SNX29: variants seen among roughly 807,000 people sequenced by gnomAD.
The protein encoded by SNX29 is sorting nexin-29.
Under a neutral mutation model 102.1 loss-of-function variants are expected in SNX29, and 78 were observed. That is an observed-to-expected ratio of 0.76 (90% confidence interval 0.64 to 0.92). The LOEUF (loss-of-function observed/expected upper bound fraction) is 0.92, where lower values mean the gene tolerates loss of function less well. Ranked by LOEUF, SNX29 falls within the 40% of genes least tolerant of loss-of-function variation. The pLI is 0.00. For synonymous variants in SNX29, 580 were observed against 414.5 expected (o/e 1.40, Z -4.85); for missense variants, 1,280 against 1,061.7 (o/e 1.21, Z -2.86).
chr16:12,333,540 T>C (rs962443891), intron 15 of SNX29, among the ~76,000 whole-genome samples: 4 of 152,118 alleles, frequency 2.6e-5, no homozygotes, highest in African/African-American at 9.7e-5. Flanking sequence ...TGTGCTGAAT[T>C]CAGTGTACCT....
chr16:12,083,571 C>T (rs2052017938), intron 11 of SNX29, among the ~76,000 whole-genome samples: 1 of 152,146 alleles, frequency 6.6e-6, no homozygotes, highest in Non-Finnish European at 1.5e-5. Flanking sequence ...AAGGCCTTGT[C>T]TCCATATAAA....
At chr16:12,019,496 C>T (rs1263941413) in intron 3 of SNX29, among the ~76,000 whole-genome samples, 6 of 151,832 alleles carry the variant, frequency 4.0e-5, no homozygotes, top group Admixed American at 1.3e-4. Context: ...TGAGCCACCG[C>T]GCCTGGCAAC....
rs543156831 is a variant in SNX29, at chr16:12,571,783, C to T, written c.*3154C>T. On this transcript the variant is annotated 3_prime_UTR_variant, in exon 21 of 21. Coordinates refer to ENST00000566228, the MANE Select transcript of SNX29 (RefSeq NM_032167.5). Reference sequence around the variant, plus strand: ...TGATCTGAGACAGAACCTTCTCCGCCACTCTTCCTGCAATCAGTGTGAAAT... The same window carrying T: ...TGATCTGAGACAGAACCTTCTCCGCTACTCTTCCTGCAATCAGTGTGAAAT... The T allele has an allele frequency of 3.1e-4, 315 of 1,011,056 alleles. 2 individuals carry two copies. Among genetic ancestry groups the T allele is most frequent in the Non-Finnish European group, 6.4e-5 (53 of 830,940 alleles). The allele number at this position is 1,011,056 out of a possible 1,614,324, so 62.6% of individuals were successfully genotyped here.
At chr16:12,231,243 G>T (rs1327718018) in intron 14 of SNX29, among the ~76,000 whole-genome samples, 1 of 152,182 alleles carries the variant, frequency 6.6e-6, no homozygotes, top group African/African-American at 2.4e-5. Context: ...GGATTGGGTT[G>T]TAAAACTTAG....
intron 15 of SNX29, among the ~76,000 whole-genome samples, chr16:12,288,283 C>T (rs2079664985): frequency 6.6e-6 from 1 of 152,150 alleles, no homozygotes; most frequent in Non-Finnish European, 1.5e-5. Flanking sequence ...ATCATGGCAA[C>T]ATCCAGGAGT....
intron 11 of SNX29, among the ~76,000 whole-genome samples, chr16:12,108,411 A>G (rs1464187118): frequency 6.6e-6 from 1 of 152,200 alleles, no homozygotes; most frequent in Admixed American, 6.5e-5. Flanking sequence ...CCATGGGAGA[A>G]CCAAGTCAGC....
chr16:12,430,847 G>A (rs112927221), intron 18 of SNX29, among the ~76,000 whole-genome samples: 1,773 of 149,336 alleles, frequency 0.012, 44 homozygotes, highest in African/African-American at 0.037. Flanking sequence ...GATTCTTGAC[G>A]CAGTCTTTTT....
intron 9 of SNX29, 21 bp downstream of exon 9, chr16:12,061,667 C>G (rs1199679396): frequency 1.3e-6 from 2 of 1,586,912 alleles, no homozygotes; most frequent in Non-Finnish European, 1.7e-6. Context: ...CCCGATTACT[C>G]CTTTCCTCCA....
intron 13 of SNX29, among the ~76,000 whole-genome samples, chr16:12,195,508 G>A (rs1015306787): frequency 1.3e-5 from 2 of 152,226 alleles, no homozygotes; most frequent in African/African-American, 4.8e-5. Context: ...GTTGGCAGCA[G>A]AAGCTTGAGC....
At chr16:12,287,260 C>T (rs960400369) in intron 15 of SNX29, among the ~76,000 whole-genome samples, 3 of 152,194 alleles carry the variant, frequency 2.0e-5, no homozygotes, top group African/African-American at 7.2e-5. Context: ...CTGCAGGCTC[C>T]ACCAGCGTAT....
At chr16:12,296,386 G>A (rs192276931) in intron 15 of SNX29, among the ~76,000 whole-genome samples, 1 of 150,804 alleles carries the variant, frequency 6.6e-6, no homozygotes, top group East Asian at 1.9e-4. Flanking sequence ...GGAGAAGAAA[G>A]AAATTTCCTA....
chr16:12,568,614 G>C lies in SNX29; in HGVS notation c.2427G>C (p.Gln809His), dbSNP rs1032756054. ...QPRETRNVEP[Q>H]SGDL is the part of the protein sequence containing the mutation. ...GGGAGACCCGCAACGTGGAGCCCCA[G>C]AGCGGTGACCTCTGACCTCGACAAA... Residue 809 changes from glutamine (Q) to histidine (H), a missense_variant, in exon 21 of 21, where the codon CAG becomes CAC. Transcript: ENST00000566228. The C allele has an allele frequency of 1.2e-6, 2 of 1,604,138 alleles. No homozygotes were observed. The highest frequency in any genetic ancestry group is 1.7e-6 in the Non-Finnish European group (2 of 1,179,822).
chr16:12,299,809 C>G (rs2080105920), intron 15 of SNX29, among the ~76,000 whole-genome samples: 1 of 139,816 alleles, frequency 7.2e-6, no homozygotes, highest in Non-Finnish European at 1.5e-5. Flanking sequence ...ACTTAACTAC[C>G]TTGATTTAAT....
intron 20 of SNX29, among the ~76,000 whole-genome samples, chr16:12,531,351 G>A (rs1035686654): frequency 6.6e-6 from 1 of 152,244 alleles, no homozygotes; most frequent in Non-Finnish European, 1.5e-5. Context: ...TTTCCGAAGA[G>A]CACGCCAGGA....
At chr16:12,217,118 T>G (rs1013001116) in intron 14 of SNX29, among the ~76,000 whole-genome samples, 1 of 152,200 alleles carries the variant, frequency 6.6e-6, no homozygotes, top group African/African-American at 2.4e-5. Flanking sequence ...ATCCTTGACT[T>G]CCCAGGCTCA....
At chr16:12,544,144 G>T (rs1341601878) in intron 20 of SNX29, among the ~76,000 whole-genome samples, 6 of 152,200 alleles carry the variant, frequency 3.9e-5, no homozygotes, top group Non-Finnish European at 8.8e-5. Context: ...ATATTCACCG[G>T]CATCATTCCT....
At chr16:12,303,734 T>G (rs1284208260) in intron 15 of SNX29, among the ~76,000 whole-genome samples, 1 of 152,222 alleles carries the variant, frequency 6.6e-6, no homozygotes, top group Non-Finnish European at 1.5e-5. Flanking sequence ...TAGATATGCA[T>G]TAGTTATTCT....
chr16:12,126,299 A>G (rs190642888), intron 11 of SNX29, among the ~76,000 whole-genome samples: 1 of 152,258 alleles, frequency 6.6e-6, no homozygotes, highest in East Asian at 1.9e-4. Flanking sequence ...TCACTTACAT[A>G]TTGTCTTACT....
chr16:12,358,519 C>T (rs56017237), intron 16 of SNX29, among the ~76,000 whole-genome samples: 2,583 of 152,286 alleles, frequency 0.017, 82 homozygotes, highest in African/African-American at 0.058. Flanking sequence ...TGACCTTCTC[C>T]TGCTCTCTTT....
Sources: allele counts gnomAD v4.1 joint callset (sites outside exome capture counted in the v4.1 genomes callset), GRCh38; gene constraint gnomAD v4.1.1; transcripts MANE v1.5; gene names NCBI Gene and HGNC (gene_info 2026-07-23, HGNC 2026-07-21).